Variants in COPS7B observed in about 807,000 individuals in gnomAD.
COPS7B encodes COP9 signalosome complex subunit 7b.
Under a neutral mutation model 33.4 loss-of-function variants are expected in COPS7B, and 9 were observed. The observed-to-expected ratio is 0.27, with a 90% confidence interval of 0.16 to 0.47. The LOEUF is 0.47. COPS7B is among the 20% of genes least tolerant of loss of function. The pLI, the probability that COPS7B is intolerant of heterozygous loss-of-function variation, is 0.99. For missense variants in COPS7B, 242 were observed against 318.2 expected, an observed-to-expected ratio of 0.76 and a Z score of 1.82; for synonymous variants, 119 against 126.3, an observed-to-expected ratio of 0.94 and a Z score of 0.39.
intron 6 of COPS7B, 130 bp downstream of exon 6, chr2:231,799,094 T>C (rs2049667061): frequency 5.3e-6 from 4 of 748,554 alleles, no homozygotes; most frequent in African/African-American, 5.2e-5. Context: ...GGGCCTGGGC[T>C]AGGTGCTGGG....
chr2:231,799,044 C>T (rs770341047), intron 6 of COPS7B, 80 bp downstream of exon 6: 111 of 1,310,242 alleles, frequency 8.5e-5, no homozygotes, highest in Non-Finnish European at 1.1e-4. Context: ...TTTTGTTTTG[C>T]GAATCTTGGT....
At position 231,807,972 on chromosome 2, in the gene COPS7B, T is replaced by C. The variant is rs1170224029; in HGVS notation, c.*327T>C. 2.2e-5 allele frequency: 5 copies of C among 225,464 alleles called. No individual in the cohort carries two copies. Among genetic ancestry groups the C allele is most frequent in the Non-Finnish European group, 3.5e-5 (4 of 114,898 alleles). 14.0% of individuals were successfully genotyped at this position (225,464 alleles called of 1,614,324 possible). On this transcript the variant is annotated 3_prime_UTR_variant, in exon 7 of 7. Coordinates refer to ENST00000350033, the MANE Select transcript of COPS7B (RefSeq NM_022730.4). The stretch of plus-strand genomic sequence containing the variant: ...CCAGTTTTTCTTTTGCTCCACGTCA[T>C]TTTGTCAGGCTGGTTATAAGCCGGA...
chr2:231,787,003 C>G (rs774003747), intron 1 of COPS7B, among the ~76,000 whole-genome samples: 22 of 152,236 alleles, frequency 1.4e-4, no homozygotes, highest in Non-Finnish European at 2.9e-4. Context: ...CCCCTCTCCA[C>G]CCCCACCTCC....
intron 6 of COPS7B, among the ~76,000 whole-genome samples, chr2:231,806,783 A>G (rs2049906941): frequency 6.6e-6 from 1 of 152,198 alleles, no homozygotes; most frequent in Non-Finnish European, 1.5e-5. Context: ...ATAGATGTTC[A>G]CAGAAGTATG....
chr2:231,787,791 C>T (rs929186834), intron 1 of COPS7B, among the ~76,000 whole-genome samples: 2 of 152,164 alleles, frequency 1.3e-5, no homozygotes, highest in Admixed American at 6.5e-5. Context: ...TTTTCCTTAT[C>T]TGTCTGGCTG....
intron 6 of COPS7B, among the ~76,000 whole-genome samples, chr2:231,800,369 T>A (rs546500650): frequency 4.6e-5 from 7 of 152,320 alleles, no homozygotes; most frequent in African/African-American, 1.7e-4. Context: ...TGACTTGGGA[T>A]TGAGGTCTGA....
intron 6 of COPS7B, among the ~76,000 whole-genome samples, chr2:231,805,413 TTA>T (rs72268376): frequency 0.34 from 44,288 of 131,246 alleles, 7,736 homozygotes; most frequent in East Asian, 0.78. Flanking sequence ...TCCCTGTTTA[TTA>T]TATATATATA....
At chr2:231,801,396 T>TC in intron 6 of COPS7B, 3 of 689,012 alleles carry the variant, frequency 4.4e-6, no homozygotes, top group Non-Finnish European at 5.4e-6. Context: ...GAGGTAATAC[T>TC]TAGAGCATTA....
At chr2:231,801,105 A>T in intron 6 of COPS7B, 1 of 1,547,762 alleles carries the variant, frequency 6.5e-7, no homozygotes, top group East Asian at 2.4e-5. Context: ...TTGTCAACTG[A>T]TTGGTGATCT....
At chr2:231,781,776 C>T (rs773745524), upstream of COPS7B, 24 of 1,518,948 alleles carry the variant, frequency 1.6e-5, no homozygotes, top group South Asian at 3.6e-5. Context: ...TTTCGGAATC[C>T]CGAGACTTGA....
Position 231,807,479 on chromosome 2 carries a change from C to T in COPS7B, c.637-8C>T. 6.2e-7 allele frequency: 1 copy of T among 1,608,952 alleles called. No homozygotes were observed. Among genetic ancestry groups the T allele is most frequent in the Non-Finnish European group, 8.5e-7 (1 of 1,177,270 alleles). ...GCTGAGCACTCCAATTCTATATCTC[C>T]CCACCAGGTTACCAACATCAAGAAG... is the stretch of plus-strand genomic sequence containing the variant. On this transcript the variant is annotated splice_region_variant and splice_polypyrimidine_tract_variant and intron_variant, in intron 6 of 6. Coordinates refer to ENST00000350033, the MANE Select transcript of COPS7B (RefSeq NM_022730.4).
chr2:231,796,340 C>T, intron 5 of COPS7B, 32 bp downstream of exon 5: 1 of 1,598,358 alleles, frequency 6.3e-7, no homozygotes, highest in South Asian at 1.1e-5. Context: ...GGATATCTAG[C>T]ATGTCTTTTG....
At chr2:231,793,248 G>C (rs775974783) in intron 3 of COPS7B, among the ~76,000 whole-genome samples, 2 of 152,144 alleles carry the variant, frequency 1.3e-5, no homozygotes, top group African/African-American at 4.8e-5. Context: ...AATATGATGC[G>C]CATGCCTTTT....
Position 231,798,898 on chromosome 2 carries a change from G to T in COPS7B, c.570G>T (p.Gln190His). 1.2e-6 allele frequency: 2 copies of T among 1,614,222 alleles called. No homozygotes were observed. Among genetic ancestry groups the T allele is most frequent in the Non-Finnish European group, 8.5e-7 (1 of 1,180,042 alleles). Residue 190 changes from glutamine (Q) to histidine (H), a missense_variant, in exon 6 of 7, where the codon CAG (glutamine) becomes CAT (histidine). Physicochemically the swap from Gln to His is conservative, Grantham distance 24. Transcript: ENST00000350033. ...AAGCAGTTCTACTGGGCATCGAGCA[G>T]CAAGTTCTGAGAGCCAACCAGTACA... ...GCEAVLLGIEQQVLRANQYKE... is the reference protein window; with the variant it reads ...GCEAVLLGIEHQVLRANQYKE...
chr2:231,807,700 C>G lies in COPS7B; in HGVS notation c.*55C>G. 1.4e-6 allele frequency: 2 copies of G among 1,474,598 alleles called. No individual in the cohort carries two copies. Among genetic ancestry groups the G allele is most frequent in the South Asian group, 2.6e-5 (2 of 76,906 alleles). The allele number at this position is 1,474,598 out of a possible 1,614,324, so 91.3% of individuals were successfully genotyped here. On this transcript the variant is annotated 3_prime_UTR_variant, in exon 7 of 7. Coordinates refer to ENST00000350033, the MANE Select transcript of COPS7B (RefSeq NM_022730.4). ...GCCTGGGTCAGGTGGGGAGGGGACACCAAGGGCCCATTTCCTCCCCTCTCT... is the reference window on the plus strand; with the variant it reads ...GCCTGGGTCAGGTGGGGAGGGGACAGCAAGGGCCCATTTCCTCCCCTCTCT...
intron 1 of COPS7B, 103 bp downstream of exon 1, chr2:231,786,641 GCCCCGC>G: frequency 2.2e-6 from 1 of 447,526 alleles, no homozygotes; most frequent in Non-Finnish European, 3.0e-6. Flanking sequence ...GGCCGTGCCC[GCCCCGC>G]CCCCGCCTTG....
At chr2:231,792,942 G>T (rs1574660410) in intron 3 of COPS7B, among the ~76,000 whole-genome samples, 1 of 152,154 alleles carries the variant, frequency 6.6e-6, no homozygotes, top group Non-Finnish European at 1.5e-5. Flanking sequence ...CAGTTTGCCA[G>T]TTCCTGGTAC....
intron 2 of COPS7B, chr2:231,790,787 G>A (rs1275915900): frequency 2.7e-5 from 4 of 149,598 alleles, no homozygotes; most frequent in Non-Finnish European, 4.4e-5. Flanking sequence ...GCCGGACTGC[G>A]GACTGCAGTG....
rs991604324 is a variant in COPS7B, at chr2:231,790,492, G to A, written c.163-1241G>A. 13 of 152,124 alleles carry A rather than the reference G, an allele frequency of 8.5e-5. 1 individual carries two copies. Among genetic ancestry groups the A allele is most frequent in the Admixed American group, 7.2e-4 (11 of 15,274 alleles). The allele number at this position is 152,124 out of a possible 1,614,324, so 9.4% of individuals were successfully genotyped here. A position where few individuals can be genotyped will look rare whatever the true frequency, so the allele number is the denominator to read the frequency against. Reference sequence around the variant, plus strand: ...ATTATGGTGCTGGAGTTCTCCATAGGGTGCTTAGCAGACCACCTTTATCTC... The same window carrying A: ...ATTATGGTGCTGGAGTTCTCCATAGAGTGCTTAGCAGACCACCTTTATCTC... On this transcript the variant is annotated intron_variant, in intron 2 of 6. Transcript: ENST00000350033.
Sources: gnomAD v4.1 joint callset for allele counts (sites outside exome capture counted in the v4.1 genomes callset) on GRCh38, gnomAD v4.1.1 for gene constraint, MANE v1.5 for transcripts, NCBI Gene and HGNC (gene_info 2026-07-23, HGNC 2026-07-21) for gene names.